MALRD1: variants seen among roughly 807,000 people sequenced by gnomAD.
MALRD1 encodes MAM and LDL receptor class A domain containing 1, also known as MAM and LDL-receptor class A domain-containing protein 1.
In MALRD1, 247 loss-of-function variants were observed where a neutral mutation model predicts 242.1. The ratio of observed to expected loss-of-function variants is 1.02; its 90% CI spans 0.92 to 1.13. The LOEUF (loss-of-function observed/expected upper bound fraction) is 1.13, where lower values mean the gene tolerates loss of function less well. Among genes scored for constraint, MALRD1 ranks in the 50% most tolerant of loss-of-function variants. The pLI is 0.00. For missense variants in MALRD1, 2,989 were observed against 2,533.1 expected (o/e 1.18, Z -3.86); for synonymous variants, 995 against 866.6 (o/e 1.15, Z -2.60).
intron 31 of MALRD1, among the ~76,000 whole-genome samples, chr10:19,501,077 G>A (rs1837945684): frequency 6.6e-6 from 1 of 152,198 alleles, no homozygotes. Flanking sequence ...AGGATGGCCT[G>A]TAAATAGGCT....
chr10:19,671,891 T>A (rs1841937480), intron 36 of MALRD1, among the ~76,000 whole-genome samples: 1 of 152,200 alleles, frequency 6.6e-6, no homozygotes, highest in Admixed American at 6.5e-5. Flanking sequence ...TAAGGCAACC[T>A]TTCTTTGGTA....
At chr10:19,453,396 G>A (rs1371096209) in intron 29 of MALRD1, among the ~76,000 whole-genome samples, 1 of 152,098 alleles carries the variant, frequency 6.6e-6, no homozygotes, top group African/African-American at 2.4e-5. Flanking sequence ...AATTGATATT[G>A]GGTTTCTTCA....
intron 32 of MALRD1, among the ~76,000 whole-genome samples, chr10:19,563,528 C>A (rs1225429461): frequency 1.3e-5 from 2 of 152,196 alleles, no homozygotes; most frequent in Non-Finnish European, 2.9e-5. Flanking sequence ...TGTCCTCTCA[C>A]TGATGCATTT....
intron 26 of MALRD1, among the ~76,000 whole-genome samples, chr10:19,377,467 A>G (rs571769902): frequency 6.6e-6 from 1 of 152,106 alleles, no homozygotes; most frequent in Non-Finnish European, 1.5e-5. Flanking sequence ...TCCCTATTCA[A>G]TTGTGTAACA....
chr10:19,718,492 G>C (rs1834524849), intron 38 of MALRD1, among the ~76,000 whole-genome samples: 1 of 152,162 alleles, frequency 6.6e-6, no homozygotes, highest in South Asian at 2.1e-4. Context: ...CTCAACGCAA[G>C]AACTCACTCA....
intron 33 of MALRD1, among the ~76,000 whole-genome samples, chr10:19,592,758 C>T (rs1337268808): frequency 9.5e-6 from 1 of 105,084 alleles, no homozygotes; most frequent in African/African-American, 3.3e-5. Flanking sequence ...CACACACACA[C>T]ACACGCACGC....
intron 30 of MALRD1, among the ~76,000 whole-genome samples, chr10:19,496,816 T>G (rs910159215): frequency 5.9e-5 from 9 of 151,978 alleles, no homozygotes; most frequent in African/African-American, 2.2e-4. Context: ...AAGAAAGGAA[T>G]TAGAAGAGGA....
At chr10:19,258,985 C>T (rs1839636728) in intron 19 of MALRD1, among the ~76,000 whole-genome samples, 1 of 152,104 alleles carries the variant, frequency 6.6e-6, no homozygotes. Flanking sequence ...ATTGCCCTCA[C>T]CACTTTCCCC....
At chr10:19,523,783 A>G (rs1223342569) in intron 31 of MALRD1, among the ~76,000 whole-genome samples, 2 of 152,068 alleles carry the variant, frequency 1.3e-5, no homozygotes, top group Admixed American at 1.3e-4. Context: ...TTGGCATGCC[A>G]CAACCAGAAG....
intron 29 of MALRD1, among the ~76,000 whole-genome samples, chr10:19,470,358 T>G (rs1171168226): frequency 3.3e-5 from 5 of 152,036 alleles, no homozygotes; most frequent in Non-Finnish European, 7.4e-5. Flanking sequence ...CATGGACATT[T>G]AGGTTGTTTC....
At chr10:19,448,160 G>A (rs752908590) in intron 28 of MALRD1, among the ~76,000 whole-genome samples, 61 of 151,910 alleles carry the variant, frequency 4.0e-4, no homozygotes, top group Non-Finnish European at 7.6e-4. Flanking sequence ...CCAGCTCCTT[G>A]GTAGCCCCTC....
At chr10:19,223,154 G>C (rs557908743) in intron 18 of MALRD1, among the ~76,000 whole-genome samples, 30 of 152,148 alleles carry the variant, frequency 2.0e-4, no homozygotes, top group South Asian at 1.2e-3. Context: ...ACATTAAAAC[G>C]ATATTTCTAT....
chr10:19,421,405 A>G (rs1006841374), intron 28 of MALRD1, among the ~76,000 whole-genome samples: 1 of 152,176 alleles, frequency 6.6e-6, no homozygotes, highest in East Asian at 1.9e-4. Flanking sequence ...GGGAATAACA[A>G]GTAACTGTGG....
intron 38 of MALRD1, among the ~76,000 whole-genome samples, chr10:19,706,473 C>T (rs1432203093): frequency 6.6e-6 from 1 of 152,036 alleles, no homozygotes; most frequent in Non-Finnish European, 1.5e-5. Flanking sequence ...TCCCCAGCCT[C>T]CCTTGTAGGT....
chr10:19,421,500 C>T (rs1446794703), intron 28 of MALRD1, among the ~76,000 whole-genome samples: 2 of 152,048 alleles, frequency 1.3e-5, no homozygotes, highest in African/African-American at 4.8e-5. Context: ...TTACAGATAC[C>T]AAGTCCTGTA....
intron 29 of MALRD1, among the ~76,000 whole-genome samples, chr10:19,476,480 C>T (rs1836739439): frequency 6.6e-6 from 1 of 152,032 alleles, no homozygotes; most frequent in Non-Finnish European, 1.5e-5. Context: ...CTCCCTGTTC[C>T]AGATCCAGGA....
rs1040429914 is a variant in MALRD1, at chr10:19,128,338, A to G, written c.1061A>G (p.Tyr354Cys). ...GGCAAGAGCTGTCATCTTCAATTCT[A>G]TTATGCAATGGAAAGCAGTGTCCTG... ...CLGKSCHLQF[Y>C]YAMESSVLRV... Residue 354 changes from tyrosine to cysteine, a missense_variant, in exon 8 of 40, where the codon TAT (tyrosine) becomes TGT (cysteine). Transcript: ENST00000454679. 7.3e-6 allele frequency: 9 copies of G among 1,233,378 alleles called. No individual in the cohort carries two copies. The highest frequency in any genetic ancestry group is 4.1e-4 in the Middle Eastern group (2 of 4,834). 76.4% of individuals were successfully genotyped at this position (1,233,378 alleles called of 1,614,324 possible). A position where few individuals can be genotyped will look rare whatever the true frequency, so the allele number is the denominator to read the frequency against.
intron 36 of MALRD1, among the ~76,000 whole-genome samples, chr10:19,688,800 C>A (rs1453127812): frequency 6.6e-6 from 1 of 152,178 alleles, no homozygotes; most frequent in Non-Finnish European, 1.5e-5. Context: ...AAACTCACCC[C>A]TTTCAGGGAG....
chr10:19,251,112 G>C lies in MALRD1; in HGVS notation c.2992-6572G>C, dbSNP rs997347144. Among the ~76,000 whole-genome samples, 13 of 151,866 alleles carry C rather than the reference G, an allele frequency of 8.6e-5. No homozygotes were observed. In the Admixed American group the frequency reaches 8.6e-4, roughly 10 times the overall value. On this transcript the variant is annotated intron_variant, in intron 18 of 39. Coordinates refer to ENST00000454679, the MANE Select transcript of MALRD1 (RefSeq NM_001142308.3). ...GTATGAAATGAGACATTTTATAAAG[G>C]GAGGGGAGGCTGAGTTGATTTAACC... is the stretch of plus-strand genomic sequence containing the variant.
Sources: allele counts gnomAD v4.1 joint callset (sites outside exome capture counted in the v4.1 genomes callset), GRCh38; gene constraint gnomAD v4.1.1; transcripts MANE v1.5; gene names NCBI Gene and HGNC (gene_info 2026-07-23, HGNC 2026-07-21).